DLC1: variants seen among roughly 807,000 people sequenced by gnomAD.
The protein encoded by DLC1 is rho GTPase-activating protein 7.
Under a neutral mutation model 140.3 loss-of-function variants are expected in DLC1, and 54 were observed. The observed-to-expected ratio is 0.38, with a 90% CI of 0.31 to 0.48. The LOEUF is 0.48. DLC1 is among the 20% of genes least tolerant of loss of function. The pLI, the probability that DLC1 is intolerant of heterozygous loss-of-function variation, is 0.96. For synonymous variants in DLC1, 986 were observed against 728.1 expected (o/e 1.35, Z -5.70); for missense variants, 2,536 against 1,907.0 (o/e 1.33, Z -6.14).
chr8:13,360,431 G>T (rs1351838757), intron 4 of DLC1, among the ~76,000 whole-genome samples: 1 of 152,150 alleles, frequency 6.6e-6, no homozygotes, highest in Non-Finnish European at 1.5e-5. Flanking sequence ...GCAAACCATT[G>T]ATCTAAGCTA....
chr8:13,359,941 C>G (rs1483730207), intron 4 of DLC1, among the ~76,000 whole-genome samples: 2 of 152,134 alleles, frequency 1.3e-5, no homozygotes, highest in African/African-American at 4.8e-5. Flanking sequence ...CAGGGTTTGA[C>G]AGAAATGAGA....
At chr8:13,304,731 CTCA>C (rs1457085719) in intron 5 of DLC1, 6 of 959,706 alleles carry the variant, frequency 6.3e-6, no homozygotes. Flanking sequence ...ATTTTCATTT[CTCA>C]TCAGTCCTTG....
At chr8:13,104,662 T>C (rs1051739482) in intron 7 of DLC1, among the ~76,000 whole-genome samples, 3 of 152,224 alleles carry the variant, frequency 2.0e-5, no homozygotes, top group Admixed American at 2.0e-4. Flanking sequence ...GGGCTTTATC[T>C]TCCTGATCCT....
At chr8:13,458,390 A>G (rs1000154014) in intron 2 of DLC1, among the ~76,000 whole-genome samples, 2 of 152,118 alleles carry the variant, frequency 1.3e-5, no homozygotes, top group Admixed American at 1.3e-4. Context: ...AGAATTCTTA[A>G]CTCCCAGCCC....
chr8:13,289,077 G>A (rs936214553), intron 5 of DLC1, among the ~76,000 whole-genome samples: 3 of 152,124 alleles, frequency 2.0e-5, no homozygotes, highest in African/African-American at 7.2e-5. Context: ...CCTGTGACCT[G>A]TTCCTTTTTC....
chr8:13,465,119 T>C (rs1799872781), intron 2 of DLC1, among the ~76,000 whole-genome samples: 1 of 152,194 alleles, frequency 6.6e-6, no homozygotes, highest in Non-Finnish European at 1.5e-5. Context: ...ATTGTATTGA[T>C]ATGCTACAAA....
intron 5 of DLC1, among the ~76,000 whole-genome samples, chr8:13,163,808 C>T (rs1824897797): frequency 6.6e-6 from 1 of 151,792 alleles, no homozygotes; most frequent in African/African-American, 2.4e-5. Context: ...TGTCTACAAA[C>T]ACAAAAGGGA....
At chr8:13,314,815 C>T (rs1447849315) in intron 4 of DLC1, among the ~76,000 whole-genome samples, 1 of 151,764 alleles carries the variant, frequency 6.6e-6, no homozygotes, top group Non-Finnish European at 1.5e-5. Context: ...GGAATTTATC[C>T]TTATCAAATG....
At chr8:13,372,596 G>A (rs199682104) in intron 4 of DLC1, among the ~76,000 whole-genome samples, 3 of 152,148 alleles carry the variant, frequency 2.0e-5, no homozygotes, top group Non-Finnish European at 4.4e-5. Flanking sequence ...AGTTACTACA[G>A]TTATCAGATA....
At chr8:13,214,836 C>T (rs192344899) in intron 5 of DLC1, 20 of 761,766 alleles carry the variant, frequency 2.6e-5, no homozygotes, top group Non-Finnish European at 4.2e-5. Context: ...GTGCTGGTGG[C>T]AATCAATGAG....
At chr8:13,427,342 CAGGACAGCAGCT>C in intron 2 of DLC1, among the ~76,000 whole-genome samples, 1 of 152,264 alleles carries the variant, frequency 6.6e-6, no homozygotes. Flanking sequence ...TGGATGTCTC[CAGGACAGCAGCT>C]CCAGTCCTGA....
chr8:13,507,542 T>C (rs1432969359), intron 1 of DLC1, among the ~76,000 whole-genome samples: 2 of 152,192 alleles, frequency 1.3e-5, no homozygotes, highest in Non-Finnish European at 2.9e-5. Flanking sequence ...CTCCATATGA[T>C]TTCATGCAGA....
Position 13,514,782 on chromosome 8 carries a change from G to T in DLC1, c.-306C>A, listed in dbSNP as rs1199584103. 7.6e-6 allele frequency: 3 copies of T among 396,710 alleles called. No homozygotes were observed. The highest frequency in any genetic ancestry group is 6.2e-5 in the African/African-American group (3 of 48,598). The allele number at this position is 396,710 out of a possible 1,614,324, so 24.6% of individuals were successfully genotyped here. On this transcript the variant is annotated 5_prime_UTR_variant, in exon 1 of 18. Coordinates refer to ENST00000276297, the MANE Select transcript of DLC1 (RefSeq NM_182643.3). ...CTAACAAAAACACCCTCTGCAGCTG[G>T]AGGGAGCCTTAGCTAAGGCAGGATC... is the stretch of plus-strand genomic sequence containing the variant.
At chr8:13,481,577 G>C (rs1367824445) in intron 2 of DLC1, among the ~76,000 whole-genome samples, 3 of 152,220 alleles carry the variant, frequency 2.0e-5, no homozygotes, top group African/African-American at 7.2e-5. Flanking sequence ...CTTTGAGCAA[G>C]TATGAGAATA....
intron 13 of DLC1, among the ~76,000 whole-genome samples, chr8:13,092,213 C>G (rs1203786750): frequency 6.6e-6 from 1 of 152,186 alleles, no homozygotes; most frequent in African/African-American, 2.4e-5. Flanking sequence ...CCATTGCCCT[C>G]CAGCCTGGGC....
chr8:13,421,723 C>G (rs1010178049), intron 2 of DLC1, among the ~76,000 whole-genome samples: 1 of 152,136 alleles, frequency 6.6e-6, no homozygotes, highest in Non-Finnish European at 1.5e-5. Context: ...GTTACTCATC[C>G]TCCAATTCCC....
intron 4 of DLC1, among the ~76,000 whole-genome samples, chr8:13,379,749 C>G (rs1836168438): frequency 6.6e-6 from 1 of 152,168 alleles, no homozygotes; most frequent in African/African-American, 2.4e-5. Flanking sequence ...AACCCATCAT[C>G]TAGGTTTTAA....
chr8:13,309,785 C>G (rs952129268), intron 4 of DLC1, among the ~76,000 whole-genome samples: 12 of 152,120 alleles, frequency 7.9e-5, no homozygotes, highest in African/African-American at 2.9e-4. Flanking sequence ...ACGTAAATAG[C>G]ATCATAAATA....
In DLC1 at chr8:13,500,022, C is replaced by G. The variant is rs1327844706; in HGVS notation, c.50G>C (p.Trp17Ser). The stretch of plus-strand genomic sequence containing the variant: ...ATCAGAATTAAAAGGCTGTCCCATC[C>G]AGTGGGTCACATGTTCTTCCCAGCT... ...KRSWEEHVTH[W>S]MGQPFNSDDR... Residue 17 changes from tryptophan (W) to serine (S), a missense_variant, in exon 2 of 18, where the codon TGG becomes TCG. Transcript: ENST00000276297. 7 of 1,613,986 alleles carry G rather than the reference C, an allele frequency of 4.3e-6. No individual in the cohort carries two copies. The highest frequency in any genetic ancestry group is 1.3e-5 in the African/African-American group (1 of 74,936).
Sources: allele counts gnomAD v4.1 joint callset (sites outside exome capture counted in the v4.1 genomes callset), GRCh38; gene constraint gnomAD v4.1.1; transcripts MANE v1.5; gene names NCBI Gene and HGNC (gene_info 2026-07-23, HGNC 2026-07-21).